TSHZ1: variants seen among roughly 807,000 people sequenced by gnomAD.
TSHZ1 encodes teashirt homolog 1.
TSHZ1 carries 12 observed loss-of-function variants against 67.1 expected under a neutral mutation model. The observed-to-expected ratio is 0.18, with a 90% CI of 0.11 to 0.29. The LOEUF (loss-of-function observed/expected upper bound fraction) is 0.29, where lower values mean the gene tolerates loss of function less well. Ranked by LOEUF, TSHZ1 falls within the 10% of genes least tolerant of loss-of-function variation. The pLI is 1.00. For missense variants in TSHZ1, 1,305 were observed against 1,413.9 expected, an observed-to-expected ratio of 0.92 and a Z score of 1.23; for synonymous variants, 632 against 622.4, an observed-to-expected ratio of 1.02 and a Z score of -0.23.
intron 1 of TSHZ1, 56 bp downstream of exon 1, chr18:75,211,972 G>T: frequency 8.4e-7 from 1 of 1,187,994 alleles, no homozygotes; most frequent in Non-Finnish European, 1.0e-6. Context: ...AGCAGGAGGA[G>T]GGGGCTTCGC....
chr18:75,250,218 A>G (rs1349278261), intron 1 of TSHZ1, among the ~76,000 whole-genome samples: 2 of 151,914 alleles, frequency 1.3e-5, no homozygotes, highest in Non-Finnish European at 2.9e-5. Flanking sequence ...CCCCTGCTGT[A>G]GGTGAGTGGG....
intron 1 of TSHZ1, among the ~76,000 whole-genome samples, chr18:75,277,957 T>C (rs982249539): frequency 6.6e-6 from 1 of 152,092 alleles, no homozygotes; most frequent in Non-Finnish European, 1.5e-5. Flanking sequence ...TCACACTGTG[T>C]GTATGTATCT....
At chr18:75,271,141 C>T (rs759707837) in intron 1 of TSHZ1, among the ~76,000 whole-genome samples, 43 of 152,134 alleles carry the variant, frequency 2.8e-4, no homozygotes, top group Non-Finnish European at 4.3e-4. Flanking sequence ...TGTCTAGAGA[C>T]GTGGTTGCAG....
chr18:75,271,012 T>G (rs557966482), intron 1 of TSHZ1, among the ~76,000 whole-genome samples: 12 of 152,316 alleles, frequency 7.9e-5, no homozygotes, highest in East Asian at 3.9e-4. Context: ...GAGACTTTCC[T>G]GCAGAAACAA....
intron 1 of TSHZ1, among the ~76,000 whole-genome samples, chr18:75,223,246 T>G (rs1211098154): frequency 6.6e-6 from 1 of 152,250 alleles, no homozygotes; most frequent in Non-Finnish European, 1.5e-5. Context: ...CTATAGCAAT[T>G]GCTTCTTAAA....
intron 1 of TSHZ1, among the ~76,000 whole-genome samples, chr18:75,261,374 G>T (rs934226721): frequency 6.6e-6 from 1 of 152,196 alleles, no homozygotes; most frequent in Non-Finnish European, 1.5e-5. Context: ...CCTCTTTACA[G>T]AAAGACATTC....
chr18:75,265,176 C>CA (rs1473884721), intron 1 of TSHZ1, among the ~76,000 whole-genome samples: 2 of 151,860 alleles, frequency 1.3e-5, no homozygotes, highest in Admixed American at 6.5e-5. Context: ...AGTTTTAAAG[C>CA]AAAAAAAGAA....
At chr18:75,219,253 G>A (rs905313984) in intron 1 of TSHZ1, among the ~76,000 whole-genome samples, 11 of 152,280 alleles carry the variant, frequency 7.2e-5, no homozygotes, top group South Asian at 4.1e-4. Context: ...AGGTGTAGCT[G>A]GGCAGAGTAG....
chr18:75,280,224 T>C (rs1350687955), intron 1 of TSHZ1, among the ~76,000 whole-genome samples: 1 of 152,262 alleles, frequency 6.6e-6, no homozygotes, highest in Non-Finnish European at 1.5e-5. Flanking sequence ...GCAAGTTTTA[T>C]GTGTGTAAAA....
At chr18:75,231,678 G>A (rs1324655240) in intron 1 of TSHZ1, among the ~76,000 whole-genome samples, 1 of 151,694 alleles carries the variant, frequency 6.6e-6, no homozygotes, top group Non-Finnish European at 1.5e-5. Flanking sequence ...GGGATTACAG[G>A]CACCCACCAC....
intron 1 of TSHZ1, among the ~76,000 whole-genome samples, chr18:75,282,668 G>A (rs929472471): frequency 2.6e-5 from 4 of 152,176 alleles, no homozygotes; most frequent in African/African-American, 7.2e-5. Flanking sequence ...TCAAGCCAGG[G>A]AGAGCCCTCA....
chr18:75,232,826 CA>C (rs2023017616), intron 1 of TSHZ1, among the ~76,000 whole-genome samples: 1 of 152,228 alleles, frequency 6.6e-6, no homozygotes, highest in Admixed American at 6.5e-5. Context: ...TCAGCTTAAA[CA>C]TGAGATTTTC....
chr18:75,286,850 C>T lies in TSHZ1; in HGVS notation c.1443C>T (p.Ser481=). The T allele has an allele frequency of 1.2e-6, 2 of 1,614,034 alleles. No homozygotes were observed. The highest frequency in any genetic ancestry group is 1.7e-6 in the Non-Finnish European group (2 of 1,179,996). ...CCACCCACACGCGGCTGCCGGCCTC[C>T]AGCATCAAAAAGCAGCCCGACTCTC... is the stretch of plus-strand genomic sequence containing the variant. ...PPTTHTRLPA[S]SIKKQPDSPA... Residue 481 remains serine, a synonymous_variant, in exon 2 of 2, where the codon TCC becomes TCT. Transcript: ENST00000580243. The surrounding 1 kb of genome is among the most constrained non-coding windows in gnomAD (Gnocchi z 5.1).
At chr18:75,279,931 CTGAAA>C (rs1326616358) in intron 1 of TSHZ1, among the ~76,000 whole-genome samples, 1 of 152,122 alleles carries the variant, frequency 6.6e-6, no homozygotes, top group East Asian at 1.9e-4. Context: ...GTTGGCTGAA[CTGAAA>C]ATATTGAAGA....
At chr18:75,247,641 A>G (rs1172881194) in intron 1 of TSHZ1, among the ~76,000 whole-genome samples, 1 of 152,148 alleles carries the variant, frequency 6.6e-6, no homozygotes, top group African/African-American at 2.4e-5. Flanking sequence ...TCTGATATAG[A>G]TAGAGGTGAA....
At chr18:75,225,421 G>A (rs186015096) in intron 1 of TSHZ1, among the ~76,000 whole-genome samples, 8 of 152,352 alleles carry the variant, frequency 5.3e-5, no homozygotes, top group Middle Eastern at 3.4e-3. Context: ...GCTTCTGTCC[G>A]TGTGTCAGCG....
At chr18:75,249,854 G>A (rs922310826) in intron 1 of TSHZ1, among the ~76,000 whole-genome samples, 2 of 147,916 alleles carry the variant, frequency 1.4e-5, no homozygotes, top group Non-Finnish European at 3.0e-5. Context: ...GCGGGGCGGG[G>A]GTGACTTCCT....
intron 1 of TSHZ1, among the ~76,000 whole-genome samples, chr18:75,222,912 C>T (rs1599025854): frequency 2.0e-5 from 3 of 152,278 alleles, no homozygotes; most frequent in African/African-American, 7.2e-5. Context: ...CCCAAAGGGT[C>T]TCTGCAAATT....
intron 1 of TSHZ1, among the ~76,000 whole-genome samples, chr18:75,274,486 A>G (rs892808109): frequency 6.6e-6 from 1 of 152,158 alleles, no homozygotes; most frequent in Non-Finnish European, 1.5e-5. Flanking sequence ...TCCCCTGGTA[A>G]AGGATATTCT....
Sources: gnomAD v4.1 joint callset for allele counts (sites outside exome capture counted in the v4.1 genomes callset) on GRCh38, gnomAD v4.1.1 for gene constraint, Gnocchi (gnomAD v3.1) non-coding constraint, MANE v1.5 for transcripts, NCBI Gene and HGNC (gene_info 2026-07-23, HGNC 2026-07-21) for gene names.